The following SOX6 variants were observed in gnomAD, a reference collection of about 807,000 sequenced individuals.
The protein encoded by SOX6 is SRY-box transcription factor 6.
In SOX6, 11 loss-of-function variants were observed where a neutral mutation model predicts 97.8. The observed-to-expected ratio is 0.11, with a 90% CI of 0.07 to 0.19. SOX6 has a LOEUF of 0.19. SOX6 is among the 10% of genes least tolerant of loss of function. The pLI is 1.00. For synonymous variants in SOX6, 360 were observed against 371.4 expected, an observed-to-expected ratio of 0.97 and a Z score of 0.35; for missense variants, 810 against 1,039.5, an observed-to-expected ratio of 0.78 and a Z score of 3.04.
At chr11:16,143,063 G>A (rs1035098074) in intron 6 of SOX6, among the ~76,000 whole-genome samples, 18 of 152,164 alleles carry the variant, frequency 1.2e-4, no homozygotes, top group Admixed American at 4.6e-4. Context: ...ATTCACCGAA[G>A]TTAAAATGAA....
At chr11:16,128,182 T>C (rs2134015778) in intron 6 of SOX6, among the ~76,000 whole-genome samples, 1 of 152,304 alleles carries the variant, frequency 6.6e-6, no homozygotes, top group Non-Finnish European at 1.5e-5. Flanking sequence ...CATTTCAACA[T>C]ATGTTCAAGA....
At chr11:16,509,291 T>TA (rs1355071987) in intron 4 of SOX6, among the ~76,000 whole-genome samples, 1 of 151,974 alleles carries the variant, frequency 6.6e-6, no homozygotes, top group Non-Finnish European at 1.5e-5. Context: ...TTAACCTTCT[T>TA]AATAATGATA....
chr11:16,247,732 C>G (rs1160617123), intron 3 of SOX6, among the ~76,000 whole-genome samples: 2 of 152,112 alleles, frequency 1.3e-5, no homozygotes, highest in African/African-American at 2.4e-5. Context: ...ATAAGAACTA[C>G]AATTCAAGAT....
chr11:16,072,088 A>G (rs7946235), intron 9 of SOX6, among the ~76,000 whole-genome samples: 8,433 of 152,192 alleles, frequency 0.055, 608 homozygotes, highest in East Asian at 0.37. Context: ...ACCAGGCTGA[A>G]ATGGCTGAAA....
At chr11:16,358,629 G>C (rs1344311875), upstream of SOX6, among the ~76,000 whole-genome samples, 1 of 152,066 alleles carries the variant, frequency 6.6e-6, no homozygotes, top group East Asian at 1.9e-4. Flanking sequence ...GGCCATAAGA[G>C]GGAAAGAAAT....
intron 1 of SOX6, among the ~76,000 whole-genome samples, chr11:16,414,754 A>G (rs1231545249): frequency 2.0e-5 from 3 of 152,190 alleles, no homozygotes; most frequent in Non-Finnish European, 4.4e-5. Flanking sequence ...TGAAATTCCT[A>G]CAAGTAAATA....
chr11:16,400,961 A>G (rs1289909000), intron 1 of SOX6, among the ~76,000 whole-genome samples: 2 of 151,542 alleles, frequency 1.3e-5, no homozygotes, highest in African/African-American at 4.8e-5. Context: ...ATATTGATCT[A>G]AACATTATAG....
intron 4 of SOX6, among the ~76,000 whole-genome samples, chr11:16,583,588 T>C (rs7948370): frequency 0.04 from 4,045 of 100,596 alleles, 200 homozygotes; most frequent in African/African-American, 0.15. Flanking sequence ...TGTATATATA[T>C]ATATGTATAT....
chr11:16,539,521 T>C (rs1392552725), intron 4 of SOX6, among the ~76,000 whole-genome samples: 2 of 151,964 alleles, frequency 1.3e-5, no homozygotes, highest in South Asian at 4.1e-4. Flanking sequence ...AAAAAATCAA[T>C]GAATCCAGGA....
intron 3 of SOX6, among the ~76,000 whole-genome samples, chr11:16,616,087 T>C (rs1193762950): frequency 1.3e-5 from 2 of 152,140 alleles, no homozygotes; most frequent in East Asian, 3.8e-4. Flanking sequence ...CATTCCTTCA[T>C]ACATGCCTTT....
intron 4 of SOX6, among the ~76,000 whole-genome samples, chr11:16,212,815 C>A (rs1028211329): frequency 6.6e-6 from 1 of 152,146 alleles, no homozygotes; most frequent in Admixed American, 6.6e-5. Flanking sequence ...CTTCAGACAT[C>A]CTCTTCTGCA....
chr11:16,530,328 CA>C (rs1370392704), intron 4 of SOX6, among the ~76,000 whole-genome samples: 1 of 152,006 alleles, frequency 6.6e-6, no homozygotes, highest in Non-Finnish European at 1.5e-5. Flanking sequence ...AGGATATAAA[CA>C]TTTTTTTAAA....
chr11:16,635,610 ATAAG>A (rs1031842376), intron 3 of SOX6, among the ~76,000 whole-genome samples: 1 of 152,244 alleles, frequency 6.6e-6, no homozygotes, highest in African/African-American at 2.4e-5. Flanking sequence ...AGAAATCTGC[ATAAG>A]TAAGAAGGAG....
chr11:16,369,120 T>C (rs1488475383), intron 1 of SOX6, among the ~76,000 whole-genome samples: 2 of 151,956 alleles, frequency 1.3e-5, no homozygotes, highest in African/African-American at 4.8e-5. Context: ...ACAATAAATA[T>C]ATGAAAAGAT....
intron 6 of SOX6, among the ~76,000 whole-genome samples, chr11:16,178,265 CT>C (rs1284995381): frequency 6.6e-6 from 1 of 151,938 alleles, no homozygotes; most frequent in African/African-American, 2.4e-5. Context: ...TGTTATAGCC[CT>C]TGCTAGTCAT....
At chr11:16,500,822 A>G (rs1042499130) in intron 4 of SOX6, among the ~76,000 whole-genome samples, 5 of 152,196 alleles carry the variant, frequency 3.3e-5, no homozygotes, top group Non-Finnish European at 5.9e-5. Flanking sequence ...ATACAAACAA[A>G]TGGAAGAACA....
intron 12 of SOX6, among the ~76,000 whole-genome samples, chr11:16,038,556 A>G (rs1855575883): frequency 6.6e-6 from 1 of 152,134 alleles, no homozygotes; most frequent in African/African-American, 2.4e-5. Context: ...AGGAGGTTGA[A>G]TATTAAATCA....
chr11:16,668,081 AAACATAC>A (rs1847820311), intron 3 of SOX6, among the ~76,000 whole-genome samples: 1 of 152,240 alleles, frequency 6.6e-6, no homozygotes, highest in South Asian at 2.1e-4. Flanking sequence ...TAACACCAAA[AAACATAC>A]AACAGACCAG....
In SOX6 at chr11:16,300,460, T is replaced by C. The variant is rs985657954; in HGVS notation, c.445+17986A>G. ...TGGAGAGCTCTCAATAAATAATACA[T>C]TGACAATTTTCAGTAAATAAGCAGT... On this transcript the variant is annotated intron_variant, in intron 3 of 15. Transcript: ENST00000683767. This position sits in a 1 kb window ranked among gnomAD's most constrained non-coding sequence, Gnocchi z 4.1. Among the ~76,000 whole-genome samples the C allele has an allele frequency of 1.3e-5, 2 of 152,170 alleles. No homozygotes were observed. Among genetic ancestry groups the C allele is most frequent in the African/African-American group, 4.8e-5 (2 of 41,434 alleles).
Sources: allele counts gnomAD v4.1 joint callset (sites outside exome capture counted in the v4.1 genomes callset), GRCh38; gene constraint gnomAD v4.1.1; non-coding constraint Gnocchi (gnomAD v3.1); transcripts MANE v1.5; gene names NCBI Gene and HGNC (gene_info 2026-07-23, HGNC 2026-07-21).